Variants in SNTG1 observed in about 807,000 individuals in gnomAD.
The protein encoded by SNTG1 is gamma-1-syntrophin.
In SNTG1, 39 loss-of-function variants were observed where a neutral mutation model predicts 74.7. The ratio of observed to expected loss-of-function variants is 0.52; its 90% confidence interval spans 0.40 to 0.68. The LOEUF is 0.68. SNTG1 is among the 30% of genes least tolerant of loss of function. SNTG1 has a pLI of 0.00. For synonymous variants in SNTG1, 254 were observed against 217.1 expected, an observed-to-expected ratio of 1.17 and a Z score of -1.49; for missense variants, 685 against 609.5, an observed-to-expected ratio of 1.12 and a Z score of -1.30.
At chr8:49,935,778 C>T (rs1332033467) in intron 1 of SNTG1, among the ~76,000 whole-genome samples, 1 of 152,176 alleles carries the variant, frequency 6.6e-6, no homozygotes, top group Admixed American at 6.5e-5. Context: ...AACTGCAAAA[C>T]CCAACACTGC....
At chr8:50,446,735 T>G (rs981781067) in intron 5 of SNTG1, among the ~76,000 whole-genome samples, 4 of 152,092 alleles carry the variant, frequency 2.6e-5, no homozygotes, top group Non-Finnish European at 5.9e-5. Flanking sequence ...ACCATTCAAA[T>G]TTCAGGATAA....
intron 1 of SNTG1, among the ~76,000 whole-genome samples, chr8:50,013,364 G>T (rs980772567): frequency 6.6e-6 from 1 of 151,992 alleles, no homozygotes; most frequent in African/African-American, 2.4e-5. Flanking sequence ...TCAATTCTCT[G>T]TGAAAGATTT....
chr8:50,319,196 A>G (rs1184238579), intron 2 of SNTG1, among the ~76,000 whole-genome samples: 1 of 152,114 alleles, frequency 6.6e-6, no homozygotes, highest in African/African-American at 2.4e-5. Context: ...AGAAATACAT[A>G]CTTACAAAAG....
chr8:49,938,572 CT>C (rs1206691190), intron 1 of SNTG1, among the ~76,000 whole-genome samples: 1 of 27,418 alleles, frequency 3.6e-5, no homozygotes, highest in African/African-American at 1.0e-4. Context: ...CTTTTCTTTT[CT>C]TTTCTTTTCT....
At chr8:49,968,030 C>T (rs1273517560) in intron 1 of SNTG1, among the ~76,000 whole-genome samples, 2 of 152,158 alleles carry the variant, frequency 1.3e-5, no homozygotes, top group African/African-American at 4.8e-5. Context: ...CCCTATTCAT[C>T]TTCCAAGTCC....
intron 2 of SNTG1, among the ~76,000 whole-genome samples, chr8:50,182,204 A>T (rs1003960336): frequency 6.6e-6 from 1 of 152,200 alleles, no homozygotes; most frequent in South Asian, 2.1e-4. Context: ...AGAATAACAC[A>T]TATATAATAA....
intron 3 of SNTG1, among the ~76,000 whole-genome samples, chr8:50,397,601 A>G (rs1015192841): frequency 2.0e-5 from 3 of 152,204 alleles, no homozygotes; most frequent in African/African-American, 7.2e-5. Context: ...TCTAGTGGTC[A>G]TTGCTTCAAT....
At chr8:50,438,420 G>T (rs2093326662) in intron 4 of SNTG1, 123 bp from the exon 5 acceptor site, 1 of 701,864 alleles carries the variant, frequency 1.4e-6, no homozygotes, top group South Asian at 1.7e-5. Flanking sequence ...CAGCACAGAA[G>T]AGTTCTCTTT....
intron 1 of SNTG1, among the ~76,000 whole-genome samples, chr8:50,110,631 C>T (rs1481071516): frequency 6.6e-6 from 1 of 152,150 alleles, no homozygotes; most frequent in Non-Finnish European, 1.5e-5. Context: ...CGAGATGAAG[C>T]TTTTTGTCCT....
At chr8:50,688,198 C>T (rs570366472) in intron 15 of SNTG1, among the ~76,000 whole-genome samples, 2,456 of 152,120 alleles carry the variant, frequency 0.016, 40 homozygotes, top group Non-Finnish European at 0.021. Flanking sequence ...TTCTCCCATT[C>T]TCTAGGTTGC....
chr8:50,474,995 C>T (rs370920124), intron 8 of SNTG1, among the ~76,000 whole-genome samples: 7 of 145,134 alleles, frequency 4.8e-5, no homozygotes, highest in Admixed American at 1.5e-4. Flanking sequence ...CCAAACACCG[C>T]GTGTTCTCAC....
chr8:50,565,877 A>C (rs906049808), intron 12 of SNTG1, among the ~76,000 whole-genome samples: 2 of 151,950 alleles, frequency 1.3e-5, no homozygotes, highest in Non-Finnish European at 2.9e-5. Context: ...AAATAAGAGA[A>C]TTGGTGGGAA....
chr8:50,484,644 G>A (rs77690439), intron 8 of SNTG1, among the ~76,000 whole-genome samples: 1 of 151,662 alleles, frequency 6.6e-6, no homozygotes, highest in African/African-American at 2.4e-5. Flanking sequence ...TGGATCATGT[G>A]AGGTTGGGAG....
intron 13 of SNTG1, among the ~76,000 whole-genome samples, chr8:50,625,593 A>C (rs2094951173): frequency 1.3e-5 from 2 of 152,218 alleles, no homozygotes; most frequent in Non-Finnish European, 2.9e-5. Context: ...TTTGTTTCTG[A>C]ATCATAGATT....
At chr8:50,300,305 G>A (rs865987161) in intron 2 of SNTG1, among the ~76,000 whole-genome samples, 11 of 152,108 alleles carry the variant, frequency 7.2e-5, no homozygotes, top group African/African-American at 2.7e-4. Context: ...TTAAACACAT[G>A]CACATACATA....
chr8:50,041,794 T>A (rs1463953021), intron 1 of SNTG1, among the ~76,000 whole-genome samples: 1 of 152,192 alleles, frequency 6.6e-6, no homozygotes, highest in African/African-American at 2.4e-5. Context: ...TATGAATTGA[T>A]CTTTCCTCTT....
At chr8:50,393,276 C>G (rs540529152) in intron 2 of SNTG1, among the ~76,000 whole-genome samples, 100 of 152,202 alleles carry the variant, frequency 6.6e-4, no homozygotes, top group Non-Finnish European at 1.1e-3. Flanking sequence ...ACCTCCTACT[C>G]TGTTTTGCCA....
chr8:50,679,350 T>C (rs7831056), intron 15 of SNTG1, among the ~76,000 whole-genome samples: 4,919 of 152,204 alleles, frequency 0.032, 255 homozygotes, highest in African/African-American at 0.11. Context: ...TACCTGAACT[T>C]GAATTCTGGC....
intron 17 of SNTG1, among the ~76,000 whole-genome samples, chr8:50,735,197 C>A (rs182347173): frequency 1.3e-5 from 2 of 151,472 alleles, no homozygotes; most frequent in Non-Finnish European, 3.0e-5. Context: ...ATGCTGTACA[C>A]AAGAGGCTAA....
Sources: gnomAD v4.1 joint callset for allele counts (sites outside exome capture counted in the v4.1 genomes callset) on GRCh38, gnomAD v4.1.1 for gene constraint, MANE v1.5 for transcripts, NCBI Gene and HGNC (gene_info 2026-07-23, HGNC 2026-07-21) for gene names.